The following ADGRL2 variants were observed in gnomAD, a reference collection of about 807,000 sequenced individuals.
ADGRL2 encodes adhesion G protein-coupled receptor L2, also known as calcium-independent alpha-latrotoxin receptor 2.
In ADGRL2, 44 loss-of-function variants were observed where a neutral mutation model predicts 157.4. That is an observed-to-expected ratio of 0.28 (90% CI 0.22 to 0.36). The LOEUF (loss-of-function observed/expected upper bound fraction) is 0.36, where lower values mean the gene tolerates loss of function less well. ADGRL2 is among the 10% of genes least tolerant of loss of function. ADGRL2 has a pLI of 1.00. For synonymous variants in ADGRL2, 585 were observed against 624.7 expected (o/e 0.94, Z 0.95); for missense variants, 1,510 against 1,768.9 (o/e 0.85, Z 2.63).
intron 2 of ADGRL2, among the ~76,000 whole-genome samples, chr1:81,503,969 G>A (rs1174347936): frequency 6.6e-6 from 1 of 152,150 alleles, no homozygotes; most frequent in Non-Finnish European, 1.5e-5. Context: ...CATGGTTGGT[G>A]CCCTTCCAGC....
chr1:81,677,173 G>A (rs1334121175), intron 3 of ADGRL2, among the ~76,000 whole-genome samples: 4 of 151,834 alleles, frequency 2.6e-5, no homozygotes, highest in Non-Finnish European at 4.4e-5. Flanking sequence ...TTAGTAGAGA[G>A]GGGGTTTCGC....
At chr1:81,910,104 G>A (rs1371195173) in intron 3 of ADGRL2, among the ~76,000 whole-genome samples, 1 of 151,960 alleles carries the variant, frequency 6.6e-6, no homozygotes, top group African/African-American at 2.4e-5. Context: ...GCCAGGCGTG[G>A]TGGCAGGCAC....
At chr1:81,919,069 G>A (rs903396859) in intron 3 of ADGRL2, among the ~76,000 whole-genome samples, 1 of 151,918 alleles carries the variant, frequency 6.6e-6, no homozygotes, top group Admixed American at 6.6e-5. Context: ...CATTCCCCTG[G>A]ACATTCACAG....
At chr1:81,780,466 C>T (rs750756017) in intron 2 of ADGRL2, among the ~76,000 whole-genome samples, 1 of 152,134 alleles carries the variant, frequency 6.6e-6, no homozygotes, top group Non-Finnish European at 1.5e-5. Context: ...CTCTACTCAT[C>T]TACTGATGAG....
At chr1:81,402,785 C>A (rs1197102631) in intron 1 of ADGRL2, among the ~76,000 whole-genome samples, 1 of 152,182 alleles carries the variant, frequency 6.6e-6, no homozygotes. Flanking sequence ...TTCCAACATG[C>A]CATGCATGTG....
At chr1:81,456,577 T>C (rs2077812904) in intron 2 of ADGRL2, among the ~76,000 whole-genome samples, 1 of 152,064 alleles carries the variant, frequency 6.6e-6, no homozygotes, top group Non-Finnish European at 1.5e-5. Flanking sequence ...TGTATAATTA[T>C]GTGTATCATA....
intron 1 of ADGRL2, among the ~76,000 whole-genome samples, chr1:81,817,894 G>A (rs989801066): frequency 5.3e-5 from 8 of 151,998 alleles, no homozygotes; most frequent in Non-Finnish European, 8.8e-5. Flanking sequence ...GCCAAGTGCG[G>A]TGTCTCATGC....
intron 16 of ADGRL2, 112 bp downstream of exon 16, chr1:81,970,646 G>A (rs1332743232): frequency 4.0e-6 from 3 of 742,312 alleles, no homozygotes; most frequent in Non-Finnish European, 6.6e-6. Context: ...AGCTTTATTG[G>A]TAAGAGAATG....
intron 3 of ADGRL2, among the ~76,000 whole-genome samples, chr1:81,644,882 T>G (rs1432753400): frequency 1.3e-5 from 2 of 152,140 alleles, no homozygotes; most frequent in Non-Finnish European, 2.9e-5. Flanking sequence ...AAAATAAAAT[T>G]TATTTAAAAA....
intron 1 of ADGRL2, among the ~76,000 whole-genome samples, chr1:81,831,565 G>C (rs1369344228): frequency 6.6e-6 from 1 of 151,874 alleles, no homozygotes; most frequent in Non-Finnish European, 1.5e-5. Context: ...CAGCCCTTCT[G>C]CTTGCTTACT....
chr1:81,952,495 A>G (rs1033498558), intron 9 of ADGRL2, among the ~76,000 whole-genome samples: 1 of 152,180 alleles, frequency 6.6e-6, no homozygotes, highest in Non-Finnish European at 1.5e-5. Flanking sequence ...GAACTCTTAT[A>G]GTTGCAGCAA....
chr1:81,335,830 T>C (rs552525347), intron 1 of ADGRL2, among the ~76,000 whole-genome samples: 5 of 128,454 alleles, frequency 3.9e-5, no homozygotes, highest in Non-Finnish European at 8.4e-5. Flanking sequence ...GGCTATATAG[T>C]GTTTAAAAAA....
chr1:81,557,514 A>AAAGAAAGAAAG, intron 2 of ADGRL2: 2 of 137,452 alleles, frequency 1.5e-5, no homozygotes, highest in African/African-American at 5.1e-5. Flanking sequence ...AGAAAGAAAG[A>AAAGAAAGAAAG]AAGAAAGAAA....
intron 11 of ADGRL2, among the ~76,000 whole-genome samples, chr1:81,964,836 G>T (rs548369931): frequency 6.6e-6 from 1 of 152,002 alleles, no homozygotes; most frequent in East Asian, 1.9e-4. Context: ...TTCAATATCA[G>T]AAATTAATGA....
chr1:81,855,449 CA>C (rs968802548), intron 2 of ADGRL2, among the ~76,000 whole-genome samples: 1 of 151,932 alleles, frequency 6.6e-6, no homozygotes, highest in Non-Finnish European at 1.5e-5. Context: ...TCAAAAAAAC[CA>C]AAAAAACAAA....
chr1:81,407,178 T>C (rs1347571492), intron 1 of ADGRL2, among the ~76,000 whole-genome samples: 1 of 152,198 alleles, frequency 6.6e-6, no homozygotes, highest in African/African-American at 2.4e-5. Context: ...GTTCATTTGT[T>C]TGACATGTGG....
chr1:81,732,094 A>G (rs760822804), intron 1 of ADGRL2, among the ~76,000 whole-genome samples: 3 of 152,304 alleles, frequency 2.0e-5, no homozygotes, highest in Admixed American at 6.5e-5. Context: ...AGAAATCCAT[A>G]TATTTTCAAA....
intron 16 of ADGRL2, among the ~76,000 whole-genome samples, chr1:81,970,937 G>T (rs1658545598): frequency 6.6e-6 from 1 of 152,080 alleles, no homozygotes; most frequent in South Asian, 2.1e-4. Flanking sequence ...CTCTCATTCT[G>T]AATTGTGACA....
At chr1:81,957,760 T>A (rs565606087) in intron 11 of ADGRL2, among the ~76,000 whole-genome samples, 5 of 152,132 alleles carry the variant, frequency 3.3e-5, no homozygotes, top group Admixed American at 2.0e-4. Flanking sequence ...ATTTTTAATG[T>A]TGATCTTTTT....
Sources: allele counts gnomAD v4.1 joint callset (sites outside exome capture counted in the v4.1 genomes callset), GRCh38; gene constraint gnomAD v4.1.1; transcripts MANE v1.5; gene names NCBI Gene and HGNC (gene_info 2026-07-23, HGNC 2026-07-21).